Variants in NKX2-6 observed in about 807,000 individuals in gnomAD.
NKX2-6 encodes the protein NK2 homeobox 6.
A neutral mutation model predicts 8.6 loss-of-function variants in NKX2-6; 8 were observed. The observed-to-expected ratio is 0.93, with a 90% confidence interval of 0.54 to 1.67. NKX2-6 has a LOEUF of 1.67. NKX2-6 is among the 40% of genes most tolerant of loss of function. The pLI is 0.00. For synonymous variants in NKX2-6, 210 were observed against 199.3 expected (o/e 1.05, Z -0.45); for missense variants, 475 against 423.1 (o/e 1.12, Z -1.08).
chr8:23,704,475 T>G (rs868404452), intron 1 of NKX2-6, among the ~76,000 whole-genome samples: 1 of 152,202 alleles, frequency 6.6e-6, no homozygotes, highest in South Asian at 2.1e-4. Flanking sequence ...AATGCTGAGT[T>G]TTCATGGGAT....
chr8:23,705,511 G>T (rs1801076381), intron 1 of NKX2-6, among the ~76,000 whole-genome samples: 1 of 152,186 alleles, frequency 6.6e-6, no homozygotes, highest in African/African-American at 2.4e-5. Context: ...CTCTCCAGCT[G>T]AAGCCTCCGG....
At chr8:23,705,241 T>A (rs1383818327) in intron 1 of NKX2-6, among the ~76,000 whole-genome samples, 1 of 152,248 alleles carries the variant, frequency 6.6e-6, no homozygotes, top group East Asian at 1.9e-4. Flanking sequence ...ACCTACCAGC[T>A]TCTTCGCGGA....
In NKX2-6 at chr8:23,706,375, C is replaced by A. The variant is rs1429155468; in HGVS notation, c.224G>T (p.Gly75Val). 2 of 1,551,446 alleles carry A rather than the reference C, an allele frequency of 1.3e-6. No homozygotes were observed. The highest frequency in any genetic ancestry group is 1.7e-4 in the Middle Eastern group (1 of 5,992). The change falls in exon 1 of 2, where the codon GGT becomes GTT. Residue 75 changes from glycine to valine, a missense_variant. Physicochemically the swap from Gly to Val is moderately radical, Grantham distance 109. Coordinates refer to ENST00000325017, the MANE Select transcript of NKX2-6 (RefSeq NM_001136271.3). ...RKLDGSEPPG[G>V]PCEAVLEMDA... ...CATCTCCAAGACTGCCTCACAGGGA[C>A]CCCCAGGAGGCTCCGAACCATCCAG... is the stretch of plus-strand genomic sequence containing the variant.
In NKX2-6 at chr8:23,706,476, A is replaced by G. The variant is rs1801093690; in HGVS notation, c.123T>C (p.Phe41=). The change falls in exon 1 of 2, where the codon TTT becomes TTC. Residue 41 remains phenylalanine (F), a synonymous_variant. Transcript: ENST00000325017. ...HPRVRKSPEN[F]QYLRMDAEPR... is the part of the protein sequence containing the mutation. ...GCTCTGCGTCCATTCTCAGGTACTG[A>G]AAGTTTTCCGGGCTCTTCCGCACCC... 1 of 1,543,112 alleles carries G rather than the reference A, an allele frequency of 6.5e-7. No individual in the cohort carries two copies. The highest frequency in any genetic ancestry group is 8.7e-7 in the Non-Finnish European group (1 of 1,146,942).
At chr8:23,704,449 G>T (rs138508170) in intron 1 of NKX2-6, among the ~76,000 whole-genome samples, 3 of 152,292 alleles carry the variant, frequency 2.0e-5, no homozygotes, top group Non-Finnish European at 2.9e-5. Flanking sequence ...TTTACCCCAA[G>T]GGTGGATAGA....
At chr8:23,703,729 A>C (rs984242414) in intron 1 of NKX2-6, among the ~76,000 whole-genome samples, 51 of 149,486 alleles carry the variant, frequency 3.4e-4, no homozygotes, top group African/African-American at 4.6e-4. Flanking sequence ...AACAAACAAA[A>C]AAAAAACTGT....
chr8:23,706,719 C>A lies in NKX2-6; in HGVS notation c.-121G>T. 3 of 1,142,960 alleles carry A rather than the reference C, an allele frequency of 2.6e-6. No homozygotes were observed. The highest frequency in any genetic ancestry group is 2.4e-6 in the Non-Finnish European group (2 of 829,726). The allele number at this position is 1,142,960 out of a possible 1,614,324, so 70.8% of individuals were successfully genotyped here. ...AGCTCTGGGACAGACGCCCAGCGTC[C>A]CAGACAGCGCCTTCCTCTGGGCCAT... On this transcript the variant is annotated 5_prime_UTR_variant, in exon 1 of 2. Coordinates refer to ENST00000325017, the MANE Select transcript of NKX2-6 (RefSeq NM_001136271.3).
rs1409281315 is a variant in NKX2-6, at chr8:23,706,532, G to T, written c.67C>A (p.Arg23=). The change falls in exon 1 of 2, where the codon CGG becomes AGG. Residue 23 remains arginine, a synonymous_variant. Transcript: ENST00000325017. ...VKDILRLERE[R]SCPAASPHPR... ...TGTGGCGAAGCCGCGGGGCAGCTCC[G>T]CTCGCGCTCCAGTCGCAGGATGTCC... 1.3e-6 allele frequency: 2 copies of T among 1,537,082 alleles called. No homozygotes were observed.
rs1305623493 is a variant in NKX2-6 at position 23,701,868 on chromosome 8, A to G, written c.*583T>C. On this transcript the variant is annotated 3_prime_UTR_variant, in exon 2 of 2. Coordinates refer to ENST00000325017, the MANE Select transcript of NKX2-6 (RefSeq NM_001136271.3). ...TGGCCAGAAAAGAGTGCTCCTCTGG[A>G]TTAACGGAGTCCCCTGGGGCGCGGC... is the stretch of plus-strand genomic sequence containing the variant. Among the ~76,000 whole-genome samples, 1 of 152,124 alleles carries G rather than the reference A, an allele frequency of 6.6e-6. No homozygotes were observed. The highest frequency in any genetic ancestry group is 1.5e-5 in the Non-Finnish European group (1 of 68,010).
intron 1 of NKX2-6, among the ~76,000 whole-genome samples, chr8:23,705,343 C>A (rs1801073552): frequency 6.6e-6 from 1 of 152,234 alleles, no homozygotes; most frequent in Admixed American, 6.5e-5. Context: ...TGGTTTATTT[C>A]TTTCGTTCGC....
Position 23,706,743 on chromosome 8 carries a change from A to G in NKX2-6, c.-145T>C. On this transcript the variant is annotated 5_prime_UTR_variant, in exon 1 of 2. The change abolishes an upstream ATG in the 5' untranslated region. Transcript: ENST00000325017. Reference sequence around the variant, plus strand: ...CCCAGACAGCGCCTTCCTCTGGGCCATGCTGGTAGGCCCGGGTCCAGGGCC... The same window carrying G: ...CCCAGACAGCGCCTTCCTCTGGGCCGTGCTGGTAGGCCCGGGTCCAGGGCC... The G allele has an allele frequency of 3.2e-6, 3 of 939,684 alleles. No homozygotes were observed. The highest frequency in any genetic ancestry group is 4.6e-6 in the Non-Finnish European group (3 of 647,230). The allele number at this position is 939,684 out of a possible 1,614,324, so 58.2% of individuals were successfully genotyped here.
chr8:23,703,644 C>T (rs1347708505), intron 1 of NKX2-6, among the ~76,000 whole-genome samples: 1 of 151,838 alleles, frequency 6.6e-6, no homozygotes, highest in African/African-American at 2.4e-5. Flanking sequence ...TGCAGTGAGC[C>T]GAGATCGTGC....
intron 1 of NKX2-6, among the ~76,000 whole-genome samples, chr8:23,704,753 C>T (rs1022553739): frequency 6.6e-6 from 1 of 152,180 alleles, no homozygotes; most frequent in African/African-American, 2.4e-5. Context: ...CTTAGCGCAT[C>T]GAAAGGTAAC....
At chr8:23,703,181 C>G (rs539821174) in intron 1 of NKX2-6, 99 bp from the exon 2 acceptor site, 1 of 1,380,936 alleles carries the variant, frequency 7.2e-7, no homozygotes, top group Non-Finnish European at 9.6e-7. Context: ...GCAGCCTTCA[C>G]TCTGCGCAGG....
chr8:23,702,849 G>C lies in NKX2-6; in HGVS notation c.508C>G (p.Gln170Glu), dbSNP rs374392076. ...PEREHLASAL[Q>E]LTSTQVKIWF... ...ATCTTGACCTGCGTGGACGTGAGCT[G>C]CAGCGCGCTGGCCAGGTGCTCGCGC... The change falls in exon 2 of 2, where the codon CAG becomes GAG. Residue 170 changes from glutamine (Q) to glutamate (E), a missense_variant. By Grantham distance (29) the Gln-to-Glu change is conservative. Coordinates refer to ENST00000325017, the MANE Select transcript of NKX2-6 (RefSeq NM_001136271.3). The C allele has an allele frequency of 1.9e-6, 3 of 1,569,374 alleles. No individual in the cohort carries two copies. The African/African-American group carries it at 4.1e-5, about 21-fold the overall frequency.
In NKX2-6 at chr8:23,706,737, T is replaced by A; in HGVS notation, c.-139A>T. 1 of 996,470 alleles carries A rather than the reference T, an allele frequency of 1.0e-6. No individual in the cohort carries two copies. Among genetic ancestry groups the A allele is most frequent in the Non-Finnish European group, 1.4e-6 (1 of 698,936 alleles). 61.7% of individuals were successfully genotyped at this position (996,470 alleles called of 1,614,324 possible). Reference sequence around the variant, plus strand: ...CAGCGTCCCAGACAGCGCCTTCCTCTGGGCCATGCTGGTAGGCCCGGGTCC... The same window carrying A: ...CAGCGTCCCAGACAGCGCCTTCCTCAGGGCCATGCTGGTAGGCCCGGGTCC... On this transcript the variant is annotated 5_prime_UTR_variant, in exon 1 of 2. Transcript: ENST00000325017.
At position 23,702,702 on chromosome 8, in the gene NKX2-6, G is replaced by C. The variant is rs1479627263; in HGVS notation, c.655C>G (p.Pro219Ala). 6.4e-7 allele frequency: 1 copy of C among 1,551,446 alleles called. No homozygotes were observed. The highest frequency in any genetic ancestry group is 1.4e-5 in the African/African-American group (1 of 73,166). ...AVPVLVRDGK[P>A]CLGPGPGAPA... is the part of the protein sequence containing the mutation. ...GCGCCGGGCCCGGGGCCCAGGCAGG[G>C]CTTGCCATCGCGCACCAGGACGGGC... The change falls in exon 2 of 2, where the codon CCC (proline) becomes GCC (alanine). Residue 219 changes from proline to alanine, a missense_variant. Transcript: ENST00000325017.
chr8:23,702,567 G>T lies in NKX2-6; in HGVS notation c.790C>A (p.Pro264Thr). 2 of 1,543,950 alleles carry T rather than the reference G, an allele frequency of 1.3e-6. No homozygotes were observed. The highest frequency in any genetic ancestry group is 1.7e-6 in the Non-Finnish European group (2 of 1,146,244). ...GGTGTGTGTGGCGCAGGACCCGAGG[G>T]CGCGCCCGCGTAGCAGGTGCCGTAG... ...AGYGTCYAGA[P>T]SGPAPHTPLA... Residue 264 changes from proline (P) to threonine (T), a missense_variant, in exon 2 of 2, where the codon CCC becomes ACC. By Grantham distance (38) the Pro-to-Thr change is conservative. Coordinates refer to ENST00000325017, the MANE Select transcript of NKX2-6 (RefSeq NM_001136271.3).
In NKX2-6 at chr8:23,706,696, C is replaced by G. The variant is rs557515949; in HGVS notation, c.-98G>C. 7.6e-6 allele frequency: 10 copies of G among 1,320,946 alleles called. No individual in the cohort carries two copies. In the South Asian group the frequency reaches 8.9e-5, roughly 12 times the overall value. 81.8% of individuals were successfully genotyped at this position (1,320,946 alleles called of 1,614,324 possible). A position where few individuals can be genotyped will look rare whatever the true frequency, so the allele number is the denominator to read the frequency against. ...TGCAGGCCCCGCAGACAGACCCAAGCTCTGGGACAGACGCCCAGCGTCCCA... is the reference window on the plus strand; with the variant it reads ...TGCAGGCCCCGCAGACAGACCCAAGGTCTGGGACAGACGCCCAGCGTCCCA... On this transcript the variant is annotated 5_prime_UTR_variant, in exon 1 of 2. Transcript: ENST00000325017.
Sources: gnomAD v4.1 joint callset for allele counts (sites outside exome capture counted in the v4.1 genomes callset) on GRCh38, gnomAD v4.1.1 for gene constraint, MANE v1.5 for transcripts, NCBI Gene and HGNC (gene_info 2026-07-23, HGNC 2026-07-21) for gene names.